ATP6V1H: variants seen among roughly 807,000 people sequenced by gnomAD.
ATP6V1H encodes ATPase H+ transporting V1 subunit H.
Under a neutral mutation model 71.7 loss-of-function variants are expected in ATP6V1H, and 39 were observed. That is an observed-to-expected ratio of 0.54 (90% CI 0.42 to 0.71). ATP6V1H has a LOEUF of 0.71. Ranked by LOEUF, ATP6V1H falls within the 30% of genes least tolerant of loss-of-function variation. ATP6V1H has a pLI of 0.00. For missense variants in ATP6V1H, 509 were observed against 594.9 expected (o/e 0.86, Z 1.50); for synonymous variants, 192 against 199.3 (o/e 0.96, Z 0.31).
At chr8:53,788,001 C>T (rs1006344931) in intron 9 of ATP6V1H, among the ~76,000 whole-genome samples, 10 of 152,068 alleles carry the variant, frequency 6.6e-5, no homozygotes, top group African/African-American at 2.2e-4. Flanking sequence ...CAAATAACCT[C>T]ATCAGTAAAA....
intron 13 of ATP6V1H, among the ~76,000 whole-genome samples, chr8:53,725,516 G>C (rs1806782663): frequency 6.7e-6 from 1 of 149,198 alleles, no homozygotes; most frequent in South Asian, 2.2e-4. Flanking sequence ...CAGCAGTCTT[G>C]ACTCAATTTC....
intron 2 of ATP6V1H, among the ~76,000 whole-genome samples, chr8:53,837,920 T>C (rs558601484): frequency 3.3e-5 from 5 of 152,192 alleles, no homozygotes; most frequent in South Asian, 4.1e-4. Context: ...GGGCTGGACA[T>C]GGACTGTGAG....
At chr8:53,842,740 C>T (rs1429298762) in intron 1 of ATP6V1H, 2 of 152,266 alleles carry the variant, frequency 1.3e-5, no homozygotes, top group Non-Finnish European at 2.9e-5. Flanking sequence ...ACTACTCGCA[C>T]CCCCAGCGAT....
chr8:53,749,688 T>C (rs750393606), intron 12 of ATP6V1H, among the ~76,000 whole-genome samples: 1 of 151,694 alleles, frequency 6.6e-6, no homozygotes, highest in Non-Finnish European at 1.5e-5. Context: ...TTACAAGCCT[T>C]GTAAAATGGG....
chr8:53,816,497 AG>A (rs1359555676), intron 5 of ATP6V1H, among the ~76,000 whole-genome samples: 1 of 152,166 alleles, frequency 6.6e-6, no homozygotes, highest in African/African-American at 2.4e-5. Flanking sequence ...ACATAGCCTA[AG>A]TTTAAAACAG....
chr8:53,841,567 T>C lies in ATP6V1H; in HGVS notation c.113+11A>G, dbSNP rs190815127. 29 of 1,613,670 alleles carry C rather than the reference T, an allele frequency of 1.8e-5. No individual in the cohort carries two copies. The Middle Eastern group carries it at 9.9e-4, about 55-fold the overall frequency. On this transcript the variant is annotated intron_variant, in intron 2 of 13. Transcript: ENST00000359530. ...ATGACTGTCCATGATTCACAGCAAA[T>C]TGGTACTTACTGAAGATAGGATTGC...
intron 9 of ATP6V1H, among the ~76,000 whole-genome samples, chr8:53,782,955 T>G (rs1054061839): frequency 3.3e-4 from 50 of 152,376 alleles, no homozygotes; most frequent in South Asian, 2.3e-3. Context: ...AGTATTTTAT[T>G]GAGGATTTTT....
intron 11 of ATP6V1H, among the ~76,000 whole-genome samples, chr8:53,765,704 C>T (rs546257835): frequency 6.6e-6 from 1 of 152,254 alleles, no homozygotes; most frequent in African/African-American, 2.4e-5. Flanking sequence ...TCAACTGTTC[C>T]CAACTTGATT....
At chr8:53,738,296 C>CAAAA (rs59924832) in intron 13 of ATP6V1H, among the ~76,000 whole-genome samples, 79 of 100,728 alleles carry the variant, frequency 7.8e-4, no homozygotes, top group African/African-American at 2.3e-3. Flanking sequence ...GACTCTGCCT[C>CAAAA]AAAAAAAAAA....
At chr8:53,716,627 C>G (rs1481864383) in intron 13 of ATP6V1H, among the ~76,000 whole-genome samples, 1 of 152,224 alleles carries the variant, frequency 6.6e-6, no homozygotes, top group Non-Finnish European at 1.5e-5. Flanking sequence ...CAGCCCAGAA[C>G]CACAGAACAA....
rs968805456 is a variant in ATP6V1H at position 53,821,862 on chromosome 8, C to T, written c.307-4332G>A. On this transcript the variant is annotated intron_variant, in intron 4 of 13. Coordinates refer to ENST00000359530, the MANE Select transcript of ATP6V1H (RefSeq NM_015941.4). ...TGATGAAATTCCTCTCCCAAGAAAA[C>T]AACTGCAAAACAAAACTGTAACGTA... 3.3e-5 allele frequency among the ~76,000 whole-genome samples: 5 copies of T among 152,174 alleles called. 2 individuals carry two copies. In the East Asian group the frequency reaches 9.7e-4, roughly 29 times the overall value.
chr8:53,772,641 C>T (rs1424505217), intron 9 of ATP6V1H, among the ~76,000 whole-genome samples: 1 of 152,194 alleles, frequency 6.6e-6, no homozygotes, highest in East Asian at 1.9e-4. Flanking sequence ...ATTTTTAAAA[C>T]TCCCTTGTTT....
At chr8:53,838,871 T>C (rs1221320296) in intron 2 of ATP6V1H, among the ~76,000 whole-genome samples, 1 of 152,218 alleles carries the variant, frequency 6.6e-6, no homozygotes, top group African/African-American at 2.4e-5. Flanking sequence ...CAGAATGTGA[T>C]AGAAGATTCA....
intron 8 of ATP6V1H, among the ~76,000 whole-genome samples, chr8:53,800,157 T>C (rs1177612231): frequency 2.0e-5 from 3 of 152,198 alleles, no homozygotes; most frequent in African/African-American, 7.2e-5. Context: ...GAAGATACCC[T>C]GTGCGACCCC....
intron 2 of ATP6V1H, among the ~76,000 whole-genome samples, chr8:53,840,456 C>A (rs1258762387): frequency 1.3e-5 from 2 of 151,502 alleles, no homozygotes; most frequent in Non-Finnish European, 2.9e-5. Context: ...CAAGACTGCC[C>A]CACTGTACTC....
At chr8:53,755,697 T>C (rs1343145400) in intron 12 of ATP6V1H, among the ~76,000 whole-genome samples, 1 of 1,754 alleles carries the variant, frequency 5.7e-4, no homozygotes, top group African/African-American at 2.7e-3. Flanking sequence ...TATATATATA[T>C]ATATATATAT....
chr8:53,737,452 T>G (rs1326581994), intron 13 of ATP6V1H, among the ~76,000 whole-genome samples: 1 of 152,220 alleles, frequency 6.6e-6, no homozygotes, highest in Non-Finnish European at 1.5e-5. Context: ...AGAATACATT[T>G]CTGGGATATT....
chr8:53,794,600 A>T (rs1809671395), intron 9 of ATP6V1H, among the ~76,000 whole-genome samples: 1 of 152,194 alleles, frequency 6.6e-6, no homozygotes, highest in South Asian at 2.1e-4. Context: ...TCCTGACCTC[A>T]GGTGATCCGC....
chr8:53,826,505 C>T (rs191449305), intron 4 of ATP6V1H, among the ~76,000 whole-genome samples: 1 of 151,826 alleles, frequency 6.6e-6, no homozygotes, highest in East Asian at 1.9e-4. Flanking sequence ...TGAACTGACA[C>T]GTAATGATTT....
Sources: allele counts gnomAD v4.1 joint callset (sites outside exome capture counted in the v4.1 genomes callset), GRCh38; gene constraint gnomAD v4.1.1; transcripts MANE v1.5; gene names NCBI Gene and HGNC (gene_info 2026-07-23, HGNC 2026-07-21).